SV2B: variants seen among roughly 807,000 people sequenced by gnomAD.
SV2B encodes solute carrier family 22 member B2.
Under a neutral mutation model 73.9 loss-of-function variants are expected in SV2B, and 41 were observed. The ratio of observed to expected loss-of-function variants is 0.56; its 90% CI spans 0.43 to 0.72. SV2B has a LOEUF of 0.72. Ranked by LOEUF, SV2B falls within the 30% of genes least tolerant of loss-of-function variation. The probability of loss-of-function intolerance (pLI) is 0.00; values close to 1 mark genes in which losing one functional copy is unlikely to be tolerated. For synonymous variants in SV2B, 314 were observed against 314.2 expected (o/e 1.00, Z 0.01); for missense variants, 764 against 857.8 (o/e 0.89, Z 1.37).
intron 1 of SV2B, among the ~76,000 whole-genome samples, chr15:91,170,051 G>A (rs1242642135): frequency 3.3e-5 from 5 of 151,990 alleles, no homozygotes; most frequent in East Asian, 1.9e-4. Flanking sequence ...TTTTTTACTC[G>A]TTTTAAATCA....
At chr15:91,237,759 C>T (rs927329621) in intron 2 of SV2B, among the ~76,000 whole-genome samples, 6 of 151,942 alleles carry the variant, frequency 3.9e-5, no homozygotes, top group South Asian at 2.1e-4. Context: ...AAAGTAGGAA[C>T]GATCCCCACA....
At chr15:91,278,678 CAAAAAAAAA>C (rs746732650) in intron 9 of SV2B, among the ~76,000 whole-genome samples, 2 of 42,442 alleles carry the variant, frequency 4.7e-5, no homozygotes, top group African/African-American at 2.5e-4. Flanking sequence ...GACTCCGTCT[CAAAAAAAAA>C]AAAAAAAAAA....
At position 91,195,270 on chromosome 15, in the gene SV2B, A is replaced by G. The variant is rs774657448; in HGVS notation, c.-391-30603A>G. On this transcript the variant is annotated intron_variant, in intron 1 of 12. Transcript: ENST00000394232. The stretch of plus-strand genomic sequence containing the variant: ...CCTCCCAGGCTCAAGCGATTCTCCC[A>G]CCTCAGCCTCCCGATTATGTGGGAC... Among the ~76,000 whole-genome samples the G allele has an allele frequency of 3.2e-4, 48 of 151,878 alleles. 1 individual carries two copies. The highest frequency in any genetic ancestry group is 9.8e-4 in the Admixed American group (15 of 15,254).
At chr15:91,142,249 G>A (rs1469600536) in intron 1 of SV2B, among the ~76,000 whole-genome samples, 1 of 152,054 alleles carries the variant, frequency 6.6e-6, no homozygotes, top group Non-Finnish European at 1.5e-5. Context: ...ACTCTGTCCA[G>A]TTCACTTCAA....
chr15:91,185,668 A>C (rs1416639296), intron 1 of SV2B, among the ~76,000 whole-genome samples: 2 of 152,178 alleles, frequency 1.3e-5, no homozygotes, highest in African/African-American at 4.8e-5. Context: ...ACTGGAACTG[A>C]AAAAGTGATA....
intron 1 of SV2B, among the ~76,000 whole-genome samples, chr15:91,222,310 A>T: frequency 6.6e-6 from 1 of 152,224 alleles, no homozygotes; most frequent in East Asian, 1.9e-4. Context: ...AGGTTAAAAG[A>T]TGTAAAGCAC....
intron 9 of SV2B, among the ~76,000 whole-genome samples, chr15:91,272,317 A>C (rs149588823): frequency 1.3e-5 from 2 of 152,354 alleles, no homozygotes; most frequent in Admixed American, 1.3e-4. Context: ...CAGAATATGT[A>C]TTAACTAAGT....
chr15:91,194,531 A>G (rs1258114809), intron 1 of SV2B, among the ~76,000 whole-genome samples: 1 of 152,192 alleles, frequency 6.6e-6, no homozygotes, highest in Non-Finnish European at 1.5e-5. Context: ...GTATGTTTAG[A>G]TTATCTCGTC....
Position 91,297,026 on chromosome 15 carries a change from GCTT to G in SV2B, c.*4480_*4482del, listed in dbSNP as rs2049275510. On this transcript the variant is annotated 3_prime_UTR_variant, in exon 13 of 13. Transcript: ENST00000394232. The surrounding 1 kb of genome is among the most constrained non-coding windows in gnomAD (Gnocchi z 5.1). ...CCTTCTGCCCGATCGTTGGGCGCAC[GCTT>G]CTTCTGCCTGATCGTTGGGCGCACG... 6.9e-6 allele frequency: 1 copy of G among 145,046 alleles called. No homozygotes were observed. Among genetic ancestry groups the G allele is most frequent in the African/African-American group, 2.6e-5 (1 of 38,150 alleles). 9.0% of individuals were successfully genotyped at this position (145,046 alleles called of 1,614,324 possible).
rs2043584287 is a variant in SV2B, at chr15:91,158,678, T to TCC, written c.-392+58316_-392+58317insCC. Among the ~76,000 whole-genome samples the TCC allele has an allele frequency of 3.4e-4, 23 of 67,094 alleles. 1 individual carries two copies. The highest frequency in any genetic ancestry group is 1.3e-3 in the African/African-American group (21 of 16,440). The allele number at this position is 67,094 out of a possible 152,430, so 44.0% of individuals were successfully genotyped here. A position where few individuals can be genotyped will look rare whatever the true frequency, so the allele number is the denominator to read the frequency against. On this transcript the variant is annotated intron_variant, in intron 1 of 12. Transcript: ENST00000394232. The stretch of plus-strand genomic sequence containing the variant: ...TCTCTTCTCTTCTCTTCTCTTCTCT[T>TCC]CTCTTCTCTTCTCTTCTCTTCTCTC...
intron 1 of SV2B, among the ~76,000 whole-genome samples, chr15:91,162,694 G>T (rs1219953866): frequency 6.6e-6 from 1 of 152,192 alleles, no homozygotes; most frequent in East Asian, 1.9e-4. Flanking sequence ...CTTGTTGGCA[G>T]AATTCAGCTC....
intron 1 of SV2B, among the ~76,000 whole-genome samples, chr15:91,188,310 TA>T (rs1334930860): frequency 1.3e-4 from 19 of 150,244 alleles, no homozygotes; most frequent in African/African-American, 4.1e-4. Flanking sequence ...TTTATTTATT[TA>T]TTTATTTATT....
Position 91,188,971 on chromosome 15 carries a change from T to C in SV2B, c.-391-36902T>C, listed in dbSNP as rs150675089. On this transcript the variant is annotated intron_variant, in intron 1 of 12. Coordinates refer to ENST00000394232, the MANE Select transcript of SV2B (RefSeq NM_001323032.3). Reference sequence around the variant, plus strand: ...CCTCCCAAATAGCTGGCATTACAGGTGCACACCACCATGCCTGGCTAATTT... The same window carrying C: ...CCTCCCAAATAGCTGGCATTACAGGCGCACACCACCATGCCTGGCTAATTT... Among the ~76,000 whole-genome samples the C allele has an allele frequency of 1.7e-4, 26 of 152,174 alleles. No individual in the cohort carries two copies. The East Asian group carries it at 5.0e-3, about 29-fold the overall frequency.
intron 1 of SV2B, among the ~76,000 whole-genome samples, chr15:91,147,397 C>T (rs1459135720): frequency 2.0e-5 from 3 of 152,224 alleles, no homozygotes; most frequent in Admixed American, 6.5e-5. Flanking sequence ...CATGCAGCCA[C>T]TCCCCTCTTG....
rs529410311 is a variant in SV2B, at chr15:91,106,557, C to T, written c.-392+6194C>T. ...TGGGAGCCTTATTGTGGATCTTATGCACTAAAAAGAGGCTTTAAATGTGAA... is the reference window on the plus strand; with the variant it reads ...TGGGAGCCTTATTGTGGATCTTATGTACTAAAAAGAGGCTTTAAATGTGAA... On this transcript the variant is annotated intron_variant, in intron 1 of 12. Transcript: ENST00000394232. This position sits in a 1 kb window ranked among gnomAD's most constrained non-coding sequence, Gnocchi z 4.4. Among the ~76,000 whole-genome samples the T allele has an allele frequency of 8.5e-4, 129 of 152,200 alleles. No individual in the cohort carries two copies. Among genetic ancestry groups the T allele is most frequent in the African/African-American group, 3.0e-3 (126 of 41,510 alleles).
At chr15:91,213,780 A>G (rs1459737046) in intron 1 of SV2B, among the ~76,000 whole-genome samples, 4 of 152,172 alleles carry the variant, frequency 2.6e-5, no homozygotes, top group Non-Finnish European at 5.9e-5. Flanking sequence ...AAAATAATAC[A>G]GTGTTATGTT....
rs1446470656 is a variant in SV2B, at chr15:91,294,472, A to G, written c.*1920A>G. 2.0e-5 allele frequency: 3 copies of G among 151,102 alleles called. No individual in the cohort carries two copies. Among genetic ancestry groups the G allele is most frequent in the African/African-American group, 4.9e-5 (2 of 40,524 alleles). The allele number at this position is 151,102 out of a possible 1,614,324, so 9.4% of individuals were successfully genotyped here. On this transcript the variant is annotated 3_prime_UTR_variant, in exon 13 of 13. Transcript: ENST00000394232. This position sits in a 1 kb window ranked among gnomAD's most constrained non-coding sequence, Gnocchi z 4.1. ...CCTCCAAATATATATACCACTGTGT[A>G]TTAATCTTTCTCTCAGTGTTTTATA...
intron 1 of SV2B, among the ~76,000 whole-genome samples, chr15:91,218,435 C>T (rs2046106965): frequency 6.6e-6 from 1 of 152,058 alleles, no homozygotes; most frequent in South Asian, 2.1e-4. Context: ...GACAGAAAGC[C>T]CCTCCTGCTT....
At chr15:91,180,620 C>G (rs1242922017) in intron 1 of SV2B, among the ~76,000 whole-genome samples, 1 of 152,104 alleles carries the variant, frequency 6.6e-6, no homozygotes, top group African/African-American at 2.4e-5. Context: ...CTAAACTTCC[C>G]TTCTCGCTTC....
Sources: gnomAD v4.1 joint callset for allele counts (sites outside exome capture counted in the v4.1 genomes callset) on GRCh38, gnomAD v4.1.1 for gene constraint, Gnocchi (gnomAD v3.1) non-coding constraint, MANE v1.5 for transcripts, NCBI Gene and HGNC (gene_info 2026-07-23, HGNC 2026-07-21) for gene names.